The following EDIL3 variants were observed in gnomAD, a reference collection of about 807,000 sequenced individuals.
EDIL3 encodes EGF like and discoidin domains 3.
In EDIL3, 37 loss-of-function variants were observed where a neutral mutation model predicts 67.4. The observed-to-expected ratio is 0.55, with a 90% CI of 0.42 to 0.72. EDIL3 has a LOEUF of 0.72. EDIL3 is among the 30% of genes least tolerant of loss of function. EDIL3 has a pLI of 0.00. For missense variants in EDIL3, 527 were observed against 586.3 expected (o/e 0.90, Z 1.04); for synonymous variants, 195 against 196.3 (o/e 0.99, Z 0.05).
intron 9 of EDIL3, among the ~76,000 whole-genome samples, chr5:84,023,911 T>G (rs953490906): frequency 1.3e-5 from 2 of 152,184 alleles, no homozygotes; most frequent in African/African-American, 4.8e-5. Flanking sequence ...CTGCACAATT[T>G]AAACTCAAAC....
chr5:84,151,582 C>T (rs1211214883), intron 4 of EDIL3, among the ~76,000 whole-genome samples: 3 of 152,024 alleles, frequency 2.0e-5, no homozygotes, highest in Non-Finnish European at 4.4e-5. Context: ...TTGCAAGAAG[C>T]TTTAAATAAA....
chr5:84,254,581 A>T (rs1313955781), intron 1 of EDIL3, among the ~76,000 whole-genome samples: 1 of 152,108 alleles, frequency 6.6e-6, no homozygotes, highest in African/African-American at 2.4e-5. Context: ...CACACAGTTT[A>T]CTCTTTAACT....
At chr5:83,974,927 TTA>T (rs1744854625) in intron 9 of EDIL3, among the ~76,000 whole-genome samples, 1 of 152,022 alleles carries the variant, frequency 6.6e-6, no homozygotes, top group Non-Finnish European at 1.5e-5. Context: ...ATCTATTTCC[TTA>T]ATATAGTTAC....
intron 5 of EDIL3, among the ~76,000 whole-genome samples, chr5:84,132,357 ATATATATTATATATAT>A (rs1235986877): frequency 3.7e-5 from 1 of 26,974 alleles, no homozygotes; most frequent in Non-Finnish European, 7.0e-5. Flanking sequence ...TTTATACATA[ATATATATTATATATAT>A]TATATATAAT....
At chr5:84,044,402 T>G (rs1310487143) in intron 9 of EDIL3, among the ~76,000 whole-genome samples, 1 of 152,108 alleles carries the variant, frequency 6.6e-6, no homozygotes, top group East Asian at 1.9e-4. Context: ...TTTTTTGGAA[T>G]TACTGCTTAC....
intron 9 of EDIL3, among the ~76,000 whole-genome samples, chr5:84,045,424 TTGAC>T (rs1391846994): frequency 6.6e-6 from 1 of 152,154 alleles, no homozygotes; most frequent in Non-Finnish European, 1.5e-5. Flanking sequence ...TAAAGATTCT[TTGAC>T]TGGGCCTGGG....
At chr5:83,964,713 T>C (rs1245357315) in intron 9 of EDIL3, among the ~76,000 whole-genome samples, 1 of 152,094 alleles carries the variant, frequency 6.6e-6, no homozygotes, top group Non-Finnish European at 1.5e-5. Flanking sequence ...TTTTGGAGCA[T>C]GTGTTAAAGC....
chr5:84,376,800 GTA>G (rs1747976879), intron 1 of EDIL3, among the ~76,000 whole-genome samples: 1 of 152,080 alleles, frequency 6.6e-6, no homozygotes, highest in Non-Finnish European at 1.5e-5. Flanking sequence ...GTTTTGCCTG[GTA>G]CTATTCTAAG....
At chr5:84,022,107 TA>T (rs893738103) in intron 9 of EDIL3, among the ~76,000 whole-genome samples, 1 of 151,238 alleles carries the variant, frequency 6.6e-6, no homozygotes, top group Non-Finnish European at 1.5e-5. Context: ...AAGGGCACAA[TA>T]AAAAAAGAAA....
chr5:83,974,750 T>C (rs2112142085), intron 9 of EDIL3, among the ~76,000 whole-genome samples: 1 of 152,154 alleles, frequency 6.6e-6, no homozygotes, highest in South Asian at 2.1e-4. Flanking sequence ...ACATGTTTTA[T>C]CTACTCATAT....
chr5:83,944,991 G>A (rs538951777), intron 10 of EDIL3, among the ~76,000 whole-genome samples: 87 of 151,958 alleles, frequency 5.7e-4, no homozygotes, highest in African/African-American at 1.9e-3. Flanking sequence ...GGCTAGATTG[G>A]TTCAGTCTTA....
intron 8 of EDIL3, among the ~76,000 whole-genome samples, chr5:84,064,416 C>T (rs760050254): frequency 2.6e-5 from 4 of 152,150 alleles, no homozygotes; most frequent in Non-Finnish European, 5.9e-5. Context: ...CAATGAGACA[C>T]ATTTAAAAGT....
intron 1 of EDIL3, among the ~76,000 whole-genome samples, chr5:84,332,294 C>T (rs777365733): frequency 1.2e-4 from 18 of 152,068 alleles, no homozygotes; most frequent in Non-Finnish European, 1.9e-4. Context: ...ATCACTTGAG[C>T]GCGGGGGTTG....
At chr5:84,146,953 CA>C (rs1347211741) in intron 4 of EDIL3, among the ~76,000 whole-genome samples, 2 of 152,006 alleles carry the variant, frequency 1.3e-5, no homozygotes, top group Non-Finnish European at 2.9e-5. Context: ...ACCCATATAA[CA>C]ACCACCAAGG....
intron 2 of EDIL3, among the ~76,000 whole-genome samples, chr5:84,248,465 T>C (rs1744955040): frequency 6.6e-6 from 1 of 152,218 alleles, no homozygotes; most frequent in African/African-American, 2.4e-5. Context: ...TACCGCTTTG[T>C]ATTTCTAATT....
At chr5:84,240,591 T>C (rs1039020805) in intron 2 of EDIL3, among the ~76,000 whole-genome samples, 1 of 152,074 alleles carries the variant, frequency 6.6e-6, no homozygotes, top group Non-Finnish European at 1.5e-5. Context: ...CATGCCTATG[T>C]GGGTTATCTA....
intron 1 of EDIL3, among the ~76,000 whole-genome samples, chr5:84,254,804 A>C (rs938956249): frequency 6.6e-6 from 1 of 152,214 alleles, no homozygotes; most frequent in Non-Finnish European, 1.5e-5. Flanking sequence ...TGGAAGGATA[A>C]GAAAGAAACT....
intron 1 of EDIL3, among the ~76,000 whole-genome samples, chr5:84,321,169 T>G (rs1746640212): frequency 6.6e-6 from 1 of 152,232 alleles, no homozygotes; most frequent in South Asian, 2.1e-4. Context: ...AACATTATTT[T>G]TTTTCTTCTG....
intron 1 of EDIL3, among the ~76,000 whole-genome samples, chr5:84,288,825 T>C (rs1745859999): frequency 6.6e-6 from 1 of 152,254 alleles, no homozygotes; most frequent in East Asian, 1.9e-4. Flanking sequence ...AAATATCTTG[T>C]TTATTGTCTC....
Sources: allele counts gnomAD v4.1 joint callset (sites outside exome capture counted in the v4.1 genomes callset), GRCh38; gene constraint gnomAD v4.1.1; transcripts MANE v1.5; gene names NCBI Gene and HGNC (gene_info 2026-07-23, HGNC 2026-07-21).